Variants in ZNF200 observed in about 807,000 individuals in gnomAD.
The protein encoded by ZNF200 is zinc finger protein 200.
A neutral mutation model predicts 33.6 loss-of-function variants in ZNF200; 35 were observed. That is an observed-to-expected ratio of 1.04 (90% confidence interval 0.80 to 1.38). ZNF200 has a LOEUF of 1.38. Among genes scored for constraint, ZNF200 ranks in the 40% most tolerant of loss-of-function variants. The pLI is 0.00. For missense variants in ZNF200, 592 were observed against 470.6 expected, an observed-to-expected ratio of 1.26 and a Z score of -2.39; for synonymous variants, 209 against 167.7, an observed-to-expected ratio of 1.25 and a Z score of -1.90.
At chr16:3,231,416 C>T (rs1958632251) in intron 4 of ZNF200, among the ~76,000 whole-genome samples, 1 of 152,172 alleles carries the variant, frequency 6.6e-6, no homozygotes, top group South Asian at 2.1e-4. Flanking sequence ...ATTTCTGTCA[C>T]CCCAGGCAAC....
intron 4 of ZNF200, among the ~76,000 whole-genome samples, chr16:3,230,129 G>A (rs1483961927): frequency 6.6e-6 from 1 of 152,158 alleles, no homozygotes; most frequent in African/African-American, 2.4e-5. Context: ...TTCCTCTCTT[G>A]CCATGTGAAG....
chr16:3,232,719 AAGC>A, intron 3 of ZNF200, 111 bp downstream of exon 3: 1 of 1,431,532 alleles, frequency 7.0e-7, no homozygotes, highest in Non-Finnish European at 9.6e-7. Flanking sequence ...CTCAAGGAAA[AAGC>A]AGAAGAAAAA....
Position 3,233,636 on chromosome 16 carries a change from C to G in ZNF200, c.120G>C (p.Lys40Asn). ...GCTCCAGCACTAGCTGGTGGATGGT[C>G]TTGGGCCCGTTAGTGGCATCTCGAA... is the stretch of plus-strand genomic sequence containing the variant. ...DLLRDATNGP[K>N]TIHQLVLEHF... Residue 40 changes from lysine (K) to asparagine (N), a missense_variant, in exon 2 of 5, where the codon AAG becomes AAC. By Grantham distance (94) the Lys-to-Asn change is moderately conservative. Transcript: ENST00000414144. The G allele has an allele frequency of 1.2e-6, 2 of 1,613,958 alleles. No individual in the cohort carries two copies. The highest frequency in any genetic ancestry group is 1.7e-6 in the Non-Finnish European group (2 of 1,179,992).
In ZNF200 at chr16:3,233,866, A is replaced by G. The variant is rs1483849876; in HGVS notation, c.-81-30T>C. ...AGACAGAGAAACCAGGGATTACCCA[A>G]AAGACCAGGCACGGCATTACTGCAC... On this transcript the variant is annotated intron_variant, in intron 1 of 4. Transcript: ENST00000414144. 2.7e-6 allele frequency: 4 copies of G among 1,497,952 alleles called. No homozygotes were observed. In the African/African-American group the frequency reaches 5.6e-5, roughly 21 times the overall value. 92.8% of individuals were successfully genotyped at this position (1,497,952 alleles called of 1,614,324 possible).
At chr16:3,232,202 T>A (rs554467003) in intron 4 of ZNF200, among the ~76,000 whole-genome samples, 25 of 152,078 alleles carry the variant, frequency 1.6e-4, no homozygotes, top group Admixed American at 1.6e-3. Context: ...TCCCTACCTC[T>A]CCCCTCACTG....
In ZNF200 at chr16:3,235,055, T is replaced by G. The variant is rs879287817; in HGVS notation, c.-150A>C. The G allele has an allele frequency of 2.6e-5, 4 of 152,106 alleles. No individual in the cohort carries two copies. The highest frequency in any genetic ancestry group is 1.3e-4 in the Admixed American group (2 of 15,276). The allele number at this position is 152,106 out of a possible 1,614,324, so 9.4% of individuals were successfully genotyped here. A position where few individuals can be genotyped will look rare whatever the true frequency, so the allele number is the denominator to read the frequency against. Reference sequence around the variant, plus strand: ...TCAGAGACTCAGGCTCCGGGAGAGATAGAAAAACTAGGCGCGAGCGGTCGA... The same window carrying G: ...TCAGAGACTCAGGCTCCGGGAGAGAGAGAAAAACTAGGCGCGAGCGGTCGA... On this transcript the variant is annotated 5_prime_UTR_variant, in exon 1 of 5. Transcript: ENST00000414144.
intron 4 of ZNF200, among the ~76,000 whole-genome samples, chr16:3,229,047 T>C (rs369970932): frequency 1.3e-5 from 2 of 152,208 alleles, no homozygotes; most frequent in African/African-American, 2.4e-5. Context: ...CTAAACAATT[T>C]AGTATAACAA....
chr16:3,234,243 A>G (rs78365979), intron 1 of ZNF200: 1 of 134,614 alleles, frequency 7.4e-6, no homozygotes. Context: ...CCGACTCCAT[A>G]AAAAAAAAAA....
chr16:3,232,451 C>G lies in ZNF200; in HGVS notation c.436G>C (p.Asp146His). The G allele has an allele frequency of 6.2e-7, 1 of 1,614,128 alleles. No individual in the cohort carries two copies. The highest frequency in any genetic ancestry group is 1.6e-4 in the Middle Eastern group (1 of 6,062). The stretch of plus-strand genomic sequence containing the variant: ...AACATCATTTCCCCGACACTGCTGT[C>G]ATCTTCCTTCTCTGACGTGAGTTGT... ...TQQLTSEKEDDSSVGEMMLLA... is the reference protein window; with the variant it reads ...TQQLTSEKEDHSSVGEMMLLA... The change falls in exon 4 of 5, where the codon GAC becomes CAC. Residue 146 changes from aspartate (D) to histidine (H), a missense_variant. Physicochemically the swap from Asp to His is moderately conservative, Grantham distance 81 (BLOSUM62 -1). Coordinates refer to ENST00000414144, the MANE Select transcript of ZNF200 (RefSeq NM_198088.3).
intron 1 of ZNF200, 179 bp from the exon 2 acceptor site, chr16:3,234,015 A>G (rs1485404095): frequency 5.5e-6 from 2 of 360,496 alleles, no homozygotes; most frequent in Non-Finnish European, 9.7e-6. Flanking sequence ...TGAAAGGAAG[A>G]TCCTGAGAAT....
intron 2 of ZNF200, among the ~76,000 whole-genome samples, chr16:3,233,154 G>T (rs1958689534): frequency 6.6e-6 from 1 of 152,128 alleles, no homozygotes; most frequent in Admixed American, 6.5e-5. Context: ...TTCCCATAGA[G>T]TATTACTAAA....
intron 4 of ZNF200, among the ~76,000 whole-genome samples, chr16:3,232,080 A>G (rs944164772): frequency 1.3e-5 from 2 of 152,204 alleles, no homozygotes; most frequent in African/African-American, 4.8e-5. Flanking sequence ...GGGGGATTAC[A>G]AGAGTTAGTC....
At chr16:3,229,021 GT>G (rs1167819921) in intron 4 of ZNF200, among the ~76,000 whole-genome samples, 3 of 152,200 alleles carry the variant, frequency 2.0e-5, no homozygotes, top group South Asian at 2.1e-4. Flanking sequence ...TACATATTCA[GT>G]TTTTTTGTCA....
At chr16:3,229,933 TA>T (rs1022661605) in intron 4 of ZNF200, among the ~76,000 whole-genome samples, 1 of 151,700 alleles carries the variant, frequency 6.6e-6, no homozygotes, top group Non-Finnish European at 1.5e-5. Context: ...AATAAATAAA[TA>T]AATAAAGACA....
chr16:3,224,510 G>C lies in ZNF200; in HGVS notation c.570C>G (p.Ser190=). ...TATCGGGAGGCTGCTGAGAGACCAA[G>C]GAAGAATCCATTTCATCATCATCTG... ...KSSDDDEMDS[S]LVSQQPPDNQ... The change falls in exon 5 of 5, where the codon TCC becomes TCG. Residue 190 remains serine (S), a synonymous_variant. Coordinates refer to ENST00000414144, the MANE Select transcript of ZNF200 (RefSeq NM_198088.3). 1.2e-6 allele frequency: 2 copies of C among 1,614,104 alleles called. No individual in the cohort carries two copies. The highest frequency in any genetic ancestry group is 1.7e-6 in the Non-Finnish European group (2 of 1,180,008).
At position 3,222,730 on chromosome 16, in the gene ZNF200, G is replaced by C. The variant is rs150175768; in HGVS notation, c.*1162C>G. ...CTAAATCGCACCACACGATCAGTCC[G>C]TAAAGGCACCGCTGGCCTTGCTTCT... is the stretch of plus-strand genomic sequence containing the variant. On this transcript the variant is annotated 3_prime_UTR_variant, in exon 5 of 5. Transcript: ENST00000414144. The C allele has an allele frequency of 2.0e-5, 3 of 152,138 alleles. No homozygotes were observed. The highest frequency in any genetic ancestry group is 6.5e-5 in the Admixed American group (1 of 15,270). 9.4% of individuals were successfully genotyped at this position (152,138 alleles called of 1,614,324 possible).
At chr16:3,224,878 G>A (rs530407820) in intron 4 of ZNF200, 17 of 439,610 alleles carry the variant, frequency 3.9e-5, no homozygotes, top group Non-Finnish European at 6.5e-5. Flanking sequence ...TCTCTTCATA[G>A]GTGTTAATTA....
intron 4 of ZNF200, among the ~76,000 whole-genome samples, chr16:3,230,212 T>C (rs1958599532): frequency 6.6e-6 from 1 of 151,764 alleles, no homozygotes; most frequent in Non-Finnish European, 1.5e-5. Context: ...ATGCTTCTTG[T>C]ACAGCCTACA....
intron 4 of ZNF200, among the ~76,000 whole-genome samples, chr16:3,230,328 A>C (rs901562670): frequency 2.0e-5 from 3 of 152,202 alleles, no homozygotes; most frequent in Non-Finnish European, 4.4e-5. Flanking sequence ...AAGAGTTTTA[A>C]ATTTTCCAGG....
Sources: allele counts gnomAD v4.1 joint callset (sites outside exome capture counted in the v4.1 genomes callset), GRCh38; gene constraint gnomAD v4.1.1; transcripts MANE v1.5; gene names NCBI Gene and HGNC (gene_info 2026-07-23, HGNC 2026-07-21).